SFXN5: variants seen among roughly 807,000 people sequenced by gnomAD.
SFXN5 encodes sideroflexin 5.
SFXN5 carries 43 observed loss-of-function variants against 50.2 expected under a neutral mutation model. That is an observed-to-expected ratio of 0.86 (90% CI 0.67 to 1.11). SFXN5 has a LOEUF of 1.11. Ranked by LOEUF, SFXN5 falls within the 50% of genes least tolerant of loss-of-function variation. SFXN5 has a pLI of 0.00. For missense variants in SFXN5, 463 were observed against 454.1 expected, an observed-to-expected ratio of 1.02 and a Z score of -0.18; for synonymous variants, 203 against 185.8, an observed-to-expected ratio of 1.09 and a Z score of -0.75.
chr2:73,025,216 G>A (rs139436621), intron 3 of SFXN5, among the ~76,000 whole-genome samples: 54 of 151,716 alleles, frequency 3.6e-4, no homozygotes, highest in Non-Finnish European at 5.6e-4. Context: ...CCTTCCTGAA[G>A]TGCACCCTCA....
In SFXN5 at chr2:72,945,124, A is replaced by G; in HGVS notation, c.946-25T>C. ...TCTGTGGAGAGAGAACAGAGAGGAA[A>G]AGTGGGGGAGTGGGAAGGGGCAAAT... On this transcript the variant is annotated intron_variant, in intron 13 of 13. Transcript: ENST00000272433. The surrounding 1 kb of genome is among the most constrained non-coding windows in gnomAD (Gnocchi z 5.8). 6.2e-7 allele frequency: 1 copy of G among 1,609,032 alleles called. No individual in the cohort carries two copies.
chr2:73,056,924 C>G (rs6546799), intron 2 of SFXN5, among the ~76,000 whole-genome samples: 9,795 of 152,142 alleles, frequency 0.064, 873 homozygotes, highest in African/African-American at 0.2. Context: ...ATCCAGCAAT[C>G]CCATTCTTAT....
intron 13 of SFXN5, among the ~76,000 whole-genome samples, chr2:72,947,224 A>G (rs1430610386): frequency 6.6e-6 from 1 of 152,260 alleles, no homozygotes; most frequent in Non-Finnish European, 1.5e-5. Flanking sequence ...AAAGCCTAGC[A>G]CAATGCTGGT....
chr2:73,021,929 T>A (rs749400812), intron 5 of SFXN5, among the ~76,000 whole-genome samples: 62 of 152,324 alleles, frequency 4.1e-4, no homozygotes, highest in Middle Eastern at 3.4e-3. Context: ...GCCCCTTCAG[T>A]GACCAGTGGG....
intron 3 of SFXN5, among the ~76,000 whole-genome samples, chr2:73,030,356 T>C (rs1678147829): frequency 6.6e-6 from 1 of 152,092 alleles, no homozygotes; most frequent in South Asian, 2.1e-4. Flanking sequence ...GAAAAATATA[T>C]ATGTATATAT....
At chr2:73,055,860 G>A (rs1216814456) in intron 2 of SFXN5, among the ~76,000 whole-genome samples, 1 of 152,166 alleles carries the variant, frequency 6.6e-6, no homozygotes, top group African/African-American at 2.4e-5. Flanking sequence ...CTCGTTATCT[G>A]CCCGCCTTGG....
chr2:72,970,292 G>A (rs1156408796), intron 11 of SFXN5, among the ~76,000 whole-genome samples: 3 of 152,222 alleles, frequency 2.0e-5, no homozygotes, highest in Non-Finnish European at 2.9e-5. Flanking sequence ...GGAAGGCCTG[G>A]GAGAGGCCCC....
chr2:73,010,033 C>T (rs954495597), intron 6 of SFXN5, among the ~76,000 whole-genome samples: 18 of 152,226 alleles, frequency 1.2e-4, no homozygotes, highest in African/African-American at 4.3e-4. Flanking sequence ...TTCAAATACC[C>T]AGTTACCCAG....
At chr2:72,968,915 G>A (rs184162886) in intron 11 of SFXN5, among the ~76,000 whole-genome samples, 1 of 151,958 alleles carries the variant, frequency 6.6e-6, no homozygotes, top group East Asian at 1.9e-4. Flanking sequence ...TGATTCTCCT[G>A]TCTCAGCCTC....
intron 10 of SFXN5, among the ~76,000 whole-genome samples, chr2:72,984,830 G>A (rs1349690163): frequency 6.6e-6 from 1 of 152,148 alleles, no homozygotes; most frequent in Non-Finnish European, 1.5e-5. Context: ...GGTGGAGTTT[G>A]GTGTGGGGTC....
At chr2:72,970,715 T>C (rs1343954875) in intron 11 of SFXN5, among the ~76,000 whole-genome samples, 1 of 149,240 alleles carries the variant, frequency 6.7e-6, no homozygotes, top group African/African-American at 2.5e-5. Context: ...TGAGACGGAG[T>C]TTCGCTGTTT....
Position 72,961,291 on chromosome 2 carries a change from G to A in SFXN5, c.828-43C>T, listed in dbSNP as rs751914468. 1.4e-5 allele frequency: 20 copies of A among 1,398,980 alleles called. No individual in the cohort carries two copies. Among genetic ancestry groups the A allele is most frequent in the Non-Finnish European group, 1.9e-5 (20 of 1,057,598 alleles). 86.7% of individuals were successfully genotyped at this position (1,398,980 alleles called of 1,614,324 possible). A position where few individuals can be genotyped will look rare whatever the true frequency, so the allele number is the denominator to read the frequency against. On this transcript the variant is annotated intron_variant, in intron 12 of 13. Coordinates refer to ENST00000272433, the MANE Select transcript of SFXN5 (RefSeq NM_144579.3). This position sits in a 1 kb window ranked among gnomAD's most constrained non-coding sequence, Gnocchi z 4.4. Reference sequence around the variant, plus strand: ...GGGAGCCCCATGAGACCCGAAGGTGGGGTGGGCTGGCTGCCAGCCACCATG... The same window carrying A: ...GGGAGCCCCATGAGACCCGAAGGTGAGGTGGGCTGGCTGCCAGCCACCATG...
At chr2:72,979,064 AAACCACAATGAAAGGCAAGTTTC>A (rs1670981411) in intron 10 of SFXN5, among the ~76,000 whole-genome samples, 1 of 152,278 alleles carries the variant, frequency 6.6e-6, no homozygotes, top group Admixed American at 6.5e-5. Context: ...ATAAATTTCA[AAACCACAATGAAAGGCAAGTTTC>A]AAAAGGATAT....
rs1247967103 is a variant in SFXN5, at chr2:72,992,039, C to G, written c.535-3691G>C. Among the ~76,000 whole-genome samples, 1 of 152,168 alleles carries G rather than the reference C, an allele frequency of 6.6e-6. No individual in the cohort carries two copies. The highest frequency in any genetic ancestry group is 6.5e-5 in the Admixed American group (1 of 15,282). ...GCACAAGAATTTCTTATATGGCCAG[C>G]AGACAGGGCTTCTTGGAAAACCAGG... is the stretch of plus-strand genomic sequence containing the variant. On this transcript the variant is annotated intron_variant, in intron 9 of 13. Coordinates refer to ENST00000272433, the MANE Select transcript of SFXN5 (RefSeq NM_144579.3). This position sits in a 1 kb window ranked among gnomAD's most constrained non-coding sequence, Gnocchi z 4.5.
Position 73,040,875 on chromosome 2 carries a change from G to T in SFXN5, c.228C>A (p.Arg76=). ...LLEDYKHGTL[R]PGVTNEQLWS... ...TTACCTGTTCATTGGTGACCCCCGG[G>T]CGCAGGGTCCCATGCTTATAGTCCT... The change falls in exon 3 of 14, where the codon CGC becomes CGA. Residue 76 remains arginine (R), a synonymous_variant. Coordinates refer to ENST00000272433, the MANE Select transcript of SFXN5 (RefSeq NM_144579.3). 6.2e-7 allele frequency: 1 copy of T among 1,612,718 alleles called. No homozygotes were observed.
chr2:73,032,949 A>G (rs1258011059), intron 3 of SFXN5, among the ~76,000 whole-genome samples: 1 of 152,214 alleles, frequency 6.6e-6, no homozygotes, highest in East Asian at 1.9e-4. Flanking sequence ...GGTACCCCCA[A>G]TTCTACAGAC....
At chr2:73,033,814 G>T (rs1309429818) in intron 3 of SFXN5, among the ~76,000 whole-genome samples, 1 of 152,180 alleles carries the variant, frequency 6.6e-6, no homozygotes, top group East Asian at 1.9e-4. Flanking sequence ...CTAGGAGGTG[G>T]ATTTTGCACC....
chr2:72,945,344 C>T lies in SFXN5; in HGVS notation c.946-245G>A, dbSNP rs986209216. Among the ~76,000 whole-genome samples, 8 of 152,242 alleles carry T rather than the reference C, an allele frequency of 5.3e-5. No individual in the cohort carries two copies. In the South Asian group the frequency reaches 1.0e-3, roughly 20 times the overall value. Reference sequence around the variant, plus strand: ...TCTCTTTCTTCTGATGGTGTGTCCACGTGGGTGGACATCCTACACACTGGC... The same window carrying T: ...TCTCTTTCTTCTGATGGTGTGTCCATGTGGGTGGACATCCTACACACTGGC... On this transcript the variant is annotated intron_variant, in intron 13 of 13. Coordinates refer to ENST00000272433, the MANE Select transcript of SFXN5 (RefSeq NM_144579.3). The surrounding 1 kb of genome is among the most constrained non-coding windows in gnomAD (Gnocchi z 5.8).
chr2:72,969,528 G>A (rs919142226), intron 11 of SFXN5, among the ~76,000 whole-genome samples: 2 of 151,966 alleles, frequency 1.3e-5, no homozygotes, highest in African/African-American at 4.8e-5. Context: ...TCGAGTAGCT[G>A]GGATTACAGG....
Sources: allele counts gnomAD v4.1 joint callset (sites outside exome capture counted in the v4.1 genomes callset), GRCh38; gene constraint gnomAD v4.1.1; non-coding constraint Gnocchi (gnomAD v3.1); transcripts MANE v1.5; gene names NCBI Gene and HGNC (gene_info 2026-07-23, HGNC 2026-07-21).